The following UBE2G1 variants were observed in gnomAD, a reference collection of about 807,000 sequenced individuals.
UBE2G1 encodes ubiquitin conjugating enzyme E2 G1.
Under a neutral mutation model 22.7 loss-of-function variants are expected in UBE2G1, and 5 were observed. The observed-to-expected ratio is 0.22, with a 90% CI of 0.12 to 0.46. The LOEUF is 0.46. UBE2G1 is among the 20% of genes least tolerant of loss of function. UBE2G1 has a pLI of 0.99. For synonymous variants in UBE2G1, 74 were observed against 67.5 expected, an observed-to-expected ratio of 1.10 and a Z score of -0.47; for missense variants, 88 against 203.9, an observed-to-expected ratio of 0.43 and a Z score of 3.46.
intron 1 of UBE2G1, among the ~76,000 whole-genome samples, chr17:4,316,163 G>T (rs1969369699): frequency 6.6e-6 from 1 of 152,040 alleles, no homozygotes; most frequent in South Asian, 2.1e-4. Flanking sequence ...ACAAACTGAG[G>T]TTTACAGCCT....
intron 1 of UBE2G1, among the ~76,000 whole-genome samples, chr17:4,361,341 A>G (rs1969964499): frequency 6.6e-6 from 1 of 151,850 alleles, no homozygotes; most frequent in East Asian, 1.9e-4. Context: ...AGCCTGGCCA[A>G]CATGGTGAAA....
intron 2 of UBE2G1, among the ~76,000 whole-genome samples, chr17:4,304,004 C>T (rs1043728769): frequency 6.6e-6 from 1 of 152,064 alleles, no homozygotes; most frequent in African/African-American, 2.4e-5. Flanking sequence ...ACAGTGATAT[C>T]CAGGTTTCTT....
At chr17:4,341,604 C>T (rs1969713028) in intron 1 of UBE2G1, among the ~76,000 whole-genome samples, 1 of 152,166 alleles carries the variant, frequency 6.6e-6, no homozygotes, top group African/African-American at 2.4e-5. Flanking sequence ...CAGACACATA[C>T]ACAAATGAAG....
intron 3 of UBE2G1, 118 bp from the exon 4 acceptor site, chr17:4,289,526 A>C: frequency 8.8e-7 from 1 of 1,139,834 alleles, no homozygotes; most frequent in Non-Finnish European, 1.2e-6. Context: ...ACACATACGC[A>C]GAAGTTAATG....
chr17:4,276,623 T>C (rs1407924253), intron 5 of UBE2G1, among the ~76,000 whole-genome samples: 1 of 146,108 alleles, frequency 6.8e-6, no homozygotes, highest in Non-Finnish European at 1.5e-5. Flanking sequence ...GAAATAACTA[T>C]AGATTCATGC....
chr17:4,290,910 C>G (rs747422900), intron 3 of UBE2G1, among the ~76,000 whole-genome samples: 1 of 152,016 alleles, frequency 6.6e-6, no homozygotes, highest in Non-Finnish European at 1.5e-5. Context: ...GCATGCCAGG[C>G]ACACATCTGA....
At chr17:4,326,648 C>A (rs1451651340) in intron 1 of UBE2G1, among the ~76,000 whole-genome samples, 1 of 152,170 alleles carries the variant, frequency 6.6e-6, no homozygotes, top group African/African-American at 2.4e-5. Context: ...TTCAAAGCAG[C>A]ATTATTCACA....
chr17:4,342,645 C>T (rs1347989311), intron 1 of UBE2G1, among the ~76,000 whole-genome samples: 1 of 152,144 alleles, frequency 6.6e-6, no homozygotes, highest in East Asian at 1.9e-4. Flanking sequence ...GAAATACACC[C>T]AAGAATTAAA....
intron 4 of UBE2G1, among the ~76,000 whole-genome samples, chr17:4,284,437 A>G (rs1322139455): frequency 6.6e-6 from 1 of 151,954 alleles, no homozygotes; most frequent in Admixed American, 6.6e-5. Context: ...CATCTCTACT[A>G]AAAATACAAA....
At chr17:4,307,546 T>C (rs1419946829) in intron 1 of UBE2G1, among the ~76,000 whole-genome samples, 2 of 152,250 alleles carry the variant, frequency 1.3e-5, no homozygotes, top group African/African-American at 4.8e-5. Context: ...CATTGGAATG[T>C]ACTGCGCTTA....
At chr17:4,288,809 A>G (rs1969001005) in intron 4 of UBE2G1, among the ~76,000 whole-genome samples, 1 of 152,214 alleles carries the variant, frequency 6.6e-6, no homozygotes, top group African/African-American at 2.4e-5. Flanking sequence ...GAGGTAATGC[A>G]TATGTGAATT....
intron 1 of UBE2G1, among the ~76,000 whole-genome samples, chr17:4,315,565 C>A (rs1969356832): frequency 6.6e-6 from 1 of 151,576 alleles, no homozygotes; most frequent in South Asian, 2.1e-4. Flanking sequence ...ACCGTGAAAC[C>A]CCGTCTCTAC....
intron 1 of UBE2G1, among the ~76,000 whole-genome samples, chr17:4,363,399 A>G (rs1330026841): frequency 6.6e-6 from 1 of 152,176 alleles, no homozygotes. Context: ...CCTCTATCTT[A>G]AAGTGTATTT....
intron 1 of UBE2G1, among the ~76,000 whole-genome samples, chr17:4,339,793 G>A (rs1203551306): frequency 1.3e-5 from 2 of 151,696 alleles, no homozygotes; most frequent in African/African-American, 4.8e-5. Flanking sequence ...AGGTTGCGGT[G>A]AGCCGAGATC....
chr17:4,280,432 C>T lies in UBE2G1; in HGVS notation c.*37+2366G>A, dbSNP rs1170668917. Reference sequence around the variant, plus strand: ...TGCAATCTCAGCTCACTGCAACCTCCGCCTCCTGGGTTCAAGTGATTCTCC... The same window carrying T: ...TGCAATCTCAGCTCACTGCAACCTCTGCCTCCTGGGTTCAAGTGATTCTCC... On this transcript the variant is annotated intron_variant, in intron 5 of 5. Coordinates refer to ENST00000396981, the MANE Select transcript of UBE2G1 (RefSeq NM_003342.5). Among the ~76,000 whole-genome samples, 7 of 149,810 alleles carry T rather than the reference C, an allele frequency of 4.7e-5. No individual in the cohort carries two copies. The South Asian group carries it at 6.3e-4, about 14-fold the overall frequency.
chr17:4,356,075 G>A (rs952126047), intron 1 of UBE2G1, among the ~76,000 whole-genome samples: 1 of 132,418 alleles, frequency 7.6e-6, no homozygotes, highest in African/African-American at 2.9e-5. Context: ...AAAAAAAAAG[G>A]CCAGGCACGG....
At position 4,269,840 on chromosome 17, in the gene UBE2G1, A is replaced by G. The variant is rs991972833; in HGVS notation, c.*2714T>C. ...TGATGGTTGGCACAAGTTTAGGGGG[A>G]AAAATCATTTTCCTAAAGCAGAGAG... On this transcript the variant is annotated 3_prime_UTR_variant, in exon 6 of 6. Coordinates refer to ENST00000396981, the MANE Select transcript of UBE2G1 (RefSeq NM_003342.5). 1.2e-5 allele frequency: 2 copies of G among 172,828 alleles called. No homozygotes were observed. Among genetic ancestry groups the G allele is most frequent in the Non-Finnish European group, 2.5e-5 (2 of 81,390 alleles). The allele number at this position is 172,828 out of a possible 1,614,324, so 10.7% of individuals were successfully genotyped here. A position where few individuals can be genotyped will look rare whatever the true frequency, so the allele number is the denominator to read the frequency against.
intron 1 of UBE2G1, among the ~76,000 whole-genome samples, chr17:4,315,755 A>C (rs1969361093): frequency 7.6e-6 from 1 of 131,692 alleles, no homozygotes; most frequent in Non-Finnish European, 1.5e-5. Context: ...AACAAAAAAC[A>C]AAAAACAAAA....
intron 2 of UBE2G1, among the ~76,000 whole-genome samples, chr17:4,303,417 A>G (rs1488581839): frequency 1.3e-5 from 2 of 152,242 alleles, no homozygotes; most frequent in Non-Finnish European, 2.9e-5. Context: ...ATTATAAGCA[A>G]TAGAACATGG....
Sources: allele counts gnomAD v4.1 joint callset (sites outside exome capture counted in the v4.1 genomes callset), GRCh38; gene constraint gnomAD v4.1.1; transcripts MANE v1.5; gene names NCBI Gene and HGNC (gene_info 2026-07-23, HGNC 2026-07-21).